PPM1H: variants seen among roughly 807,000 people sequenced by gnomAD.
PPM1H encodes the protein protein phosphatase 1H.
Under a neutral mutation model 54.9 loss-of-function variants are expected in PPM1H, and 27 were observed. That is an observed-to-expected ratio of 0.49 (90% CI 0.36 to 0.68). The LOEUF (loss-of-function observed/expected upper bound fraction) is 0.68, where lower values mean the gene tolerates loss of function less well. Among genes scored for constraint, PPM1H ranks in the 30% least tolerant of loss-of-function variants. The probability of loss-of-function intolerance (pLI) is 0.00; values close to 1 mark genes in which losing one functional copy is unlikely to be tolerated. For missense variants in PPM1H, 596 were observed against 667.8 expected, an observed-to-expected ratio of 0.89 and a Z score of 1.19; for synonymous variants, 305 against 270.8, an observed-to-expected ratio of 1.13 and a Z score of -1.24.
chr12:62,747,485 A>G (rs1427469903), intron 4 of PPM1H, among the ~76,000 whole-genome samples: 2 of 152,216 alleles, frequency 1.3e-5, no homozygotes, highest in African/African-American at 4.8e-5. Context: ...TGATCCTCAC[A>G]CCTAAGCCTC....
intron 9 of PPM1H, among the ~76,000 whole-genome samples, chr12:62,654,013 G>A (rs573196943): frequency 4.1e-4 from 63 of 152,028 alleles, no homozygotes; most frequent in African/African-American, 1.2e-3. Flanking sequence ...AGGTCAAGGC[G>A]GGTGGATTAA....
chr12:62,686,367 G>A (rs1041321452), intron 8 of PPM1H, among the ~76,000 whole-genome samples: 4 of 152,196 alleles, frequency 2.6e-5, no homozygotes, highest in African/African-American at 9.7e-5. Context: ...TTTGCTTTAA[G>A]GAGCAAAATC....
chr12:62,802,627 G>A (rs1029515614), intron 2 of PPM1H, among the ~76,000 whole-genome samples: 2 of 150,972 alleles, frequency 1.3e-5, no homozygotes, highest in African/African-American at 2.4e-5. Context: ...TCAGTGGCGC[G>A]ATCTAGGCTC....
chr12:62,702,255 G>A lies in PPM1H; in HGVS notation c.1074-8256C>T, dbSNP rs74519445. 5.2e-3 allele frequency among the ~76,000 whole-genome samples: 797 copies of A among 152,056 alleles called. 6 individuals are homozygous for A. Among genetic ancestry groups the A allele is most frequent in the African/African-American group, 0.017 (719 of 41,472 alleles). ...AAAAAATAACATTTATGATTCTCTC[G>A]TCTATTCCTTTCTCAGTTCCTTAGT... is the stretch of plus-strand genomic sequence containing the variant. On this transcript the variant is annotated intron_variant, in intron 6 of 9. Coordinates refer to ENST00000228705, the MANE Select transcript of PPM1H (RefSeq NM_020700.2).
chr12:62,761,114 C>A (rs1396328494), intron 4 of PPM1H, among the ~76,000 whole-genome samples: 1 of 152,088 alleles, frequency 6.6e-6, no homozygotes, highest in Non-Finnish European at 1.5e-5. Flanking sequence ...ACACAGGAGG[C>A]TTTAGAAAAA....
At chr12:62,883,359 C>T (rs1055083349) in intron 1 of PPM1H, among the ~76,000 whole-genome samples, 2 of 152,116 alleles carry the variant, frequency 1.3e-5, no homozygotes, top group Admixed American at 1.3e-4. Flanking sequence ...CCCCCGGGCT[C>T]CATGAGTGGA....
At chr12:62,882,021 G>C (rs1592652415) in intron 1 of PPM1H, among the ~76,000 whole-genome samples, 1 of 152,062 alleles carries the variant, frequency 6.6e-6, no homozygotes, top group East Asian at 1.9e-4. Context: ...AAAAATCCAA[G>C]AAACATGCCA....
chr12:62,908,659 C>T (rs186814398), intron 1 of PPM1H, among the ~76,000 whole-genome samples: 129 of 152,072 alleles, frequency 8.5e-4, no homozygotes, highest in African/African-American at 2.8e-3. Context: ...TGCAACCACC[C>T]GAAGGAATGG....
intron 8 of PPM1H, among the ~76,000 whole-genome samples, chr12:62,681,172 G>A (rs747462542): frequency 1.3e-5 from 2 of 152,138 alleles, no homozygotes; most frequent in Non-Finnish European, 2.9e-5. Flanking sequence ...AGACTCCAGT[G>A]TCTATTTTTT....
At chr12:62,721,289 G>A (rs1028037099) in intron 5 of PPM1H, among the ~76,000 whole-genome samples, 6 of 152,196 alleles carry the variant, frequency 3.9e-5, no homozygotes, top group Admixed American at 6.5e-5. Context: ...TTAGTTAGAT[G>A]GTAGTCATCC....
chr12:62,651,297 G>C (rs1211784189), intron 9 of PPM1H, among the ~76,000 whole-genome samples: 3 of 151,950 alleles, frequency 2.0e-5, no homozygotes, highest in African/African-American at 4.8e-5. Context: ...GAGATAGACA[G>C]ACACTCAAAG....
chr12:62,887,494 C>G (rs1483391405), intron 1 of PPM1H, among the ~76,000 whole-genome samples: 2 of 152,122 alleles, frequency 1.3e-5, no homozygotes, highest in Non-Finnish European at 2.9e-5. Context: ...ATGCTAGGAG[C>G]CTTAATTGCA....
At chr12:62,664,993 T>C (rs946639278) in intron 9 of PPM1H, among the ~76,000 whole-genome samples, 3 of 152,100 alleles carry the variant, frequency 2.0e-5, no homozygotes, top group African/African-American at 7.2e-5. Flanking sequence ...TTTTTTTTTT[T>C]TTCCTGGCTG....
chr12:62,835,494 C>T (rs1029789119), intron 1 of PPM1H, among the ~76,000 whole-genome samples: 1 of 152,184 alleles, frequency 6.6e-6, no homozygotes, highest in Admixed American at 6.5e-5. Flanking sequence ...TGCAATGACT[C>T]AAACCCAGGG....
chr12:62,650,157 C>T (rs1358952938), intron 9 of PPM1H, among the ~76,000 whole-genome samples: 1 of 152,186 alleles, frequency 6.6e-6, no homozygotes, highest in African/African-American at 2.4e-5. Flanking sequence ...AGAACAAGTC[C>T]TCTAACAAAT....
intron 4 of PPM1H, among the ~76,000 whole-genome samples, chr12:62,771,244 G>A (rs1466058597): frequency 6.9e-6 from 1 of 145,478 alleles, no homozygotes; most frequent in Non-Finnish European, 1.5e-5. Flanking sequence ...AATATTACAG[G>A]CTGCCCAGTG....
At chr12:62,843,473 C>G (rs1426579009) in intron 1 of PPM1H, among the ~76,000 whole-genome samples, 1 of 152,148 alleles carries the variant, frequency 6.6e-6, no homozygotes, top group Non-Finnish European at 1.5e-5. Context: ...GGTAAATGTC[C>G]TAGGTGAGCC....
intron 4 of PPM1H, among the ~76,000 whole-genome samples, chr12:62,767,291 T>C (rs2076549847): frequency 6.6e-6 from 1 of 152,000 alleles, no homozygotes; most frequent in African/African-American, 2.4e-5. Context: ...TGGGGCAGCC[T>C]GCATTTCAGT....
At chr12:62,653,357 T>C (rs1193706452) in intron 9 of PPM1H, among the ~76,000 whole-genome samples, 2 of 152,244 alleles carry the variant, frequency 1.3e-5, no homozygotes, top group Non-Finnish European at 2.9e-5. Flanking sequence ...CTTGCAGATT[T>C]CAACTTCTCT....
Sources: gnomAD v4.1 joint callset for allele counts (sites outside exome capture counted in the v4.1 genomes callset) on GRCh38, gnomAD v4.1.1 for gene constraint, MANE v1.5 for transcripts, NCBI Gene and HGNC (gene_info 2026-07-23, HGNC 2026-07-21) for gene names.